CHD7: variants seen among roughly 807,000 people sequenced by gnomAD.
CHD7 encodes ATP-dependent chromatin remodeler CHD7.
A neutral mutation model predicts 307.3 loss-of-function variants in CHD7; 24 were observed. The ratio of observed to expected loss-of-function variants is 0.08; its 90% CI spans 0.06 to 0.11. The LOEUF (loss-of-function observed/expected upper bound fraction) is 0.11, where lower values mean the gene tolerates loss of function less well. Ranked by LOEUF, CHD7 falls within the 10% of genes least tolerant of loss-of-function variation. CHD7 has a pLI of 1.00. For synonymous variants in CHD7, 1,363 were observed against 1,349.9 expected (o/e 1.01, Z -0.21); for missense variants, 3,106 against 3,727.1 (o/e 0.83, Z 4.34).
chr8:60,759,405 C>A (rs1365785186), intron 2 of CHD7, among the ~76,000 whole-genome samples: 1 of 151,386 alleles, frequency 6.6e-6, no homozygotes, highest in African/African-American at 2.4e-5. Flanking sequence ...CTCTCTCTCT[C>A]CGCCTCCCTT....
chr8:60,816,793 G>C (rs1455703141), intron 8 of CHD7, among the ~76,000 whole-genome samples: 2 of 152,146 alleles, frequency 1.3e-5, no homozygotes, highest in Non-Finnish European at 2.9e-5. Flanking sequence ...TTAAGTAAGT[G>C]GACAGAAGTT....
At chr8:60,780,259 G>C (rs1811143411) in intron 2 of CHD7, among the ~76,000 whole-genome samples, 1 of 152,078 alleles carries the variant, frequency 6.6e-6, no homozygotes, top group Non-Finnish European at 1.5e-5. Context: ...TAGTCTCTGG[G>C]TGTATCCCTA....
intron 3 of CHD7, among the ~76,000 whole-genome samples, chr8:60,785,429 T>A (rs1249936296): frequency 6.6e-6 from 1 of 152,172 alleles, no homozygotes; most frequent in Non-Finnish European, 1.5e-5. Flanking sequence ...ACTCTTATTT[T>A]AAAAAAACAT....
intron 2 of CHD7, among the ~76,000 whole-genome samples, chr8:60,751,371 G>A (rs1809635429): frequency 6.6e-6 from 1 of 152,088 alleles, no homozygotes; most frequent in Non-Finnish European, 1.5e-5. Context: ...TTTCAGAACG[G>A]CAGTCTCTGG....
At chr8:60,828,221 T>A (rs1056901426) in intron 13 of CHD7, among the ~76,000 whole-genome samples, 1 of 152,190 alleles carries the variant, frequency 6.6e-6, no homozygotes, top group Admixed American at 6.5e-5. Flanking sequence ...ATGTAGAACT[T>A]CTTTTGTCTC....
intron 7 of CHD7, among the ~76,000 whole-genome samples, chr8:60,813,337 T>C (rs1046741470): frequency 1.3e-5 from 2 of 152,208 alleles, no homozygotes; most frequent in African/African-American, 4.8e-5. Flanking sequence ...CCTGATCATA[T>C]AATCTGCAAA....
chr8:60,716,695 T>A (rs1447144308), intron 1 of CHD7, among the ~76,000 whole-genome samples: 2 of 152,242 alleles, frequency 1.3e-5, no homozygotes, highest in East Asian at 3.8e-4. Flanking sequence ...TTTGACTCTC[T>A]CCACAAACAA....
chr8:60,821,717 T>C, intron 9 of CHD7, 73 bp from the exon 10 acceptor site: 1 of 1,267,428 alleles, frequency 7.9e-7, no homozygotes, highest in East Asian at 2.6e-5. Context: ...TAAACATATA[T>C]ATACACATAT....
At chr8:60,791,076 A>G (rs1811751722) in intron 3 of CHD7, among the ~76,000 whole-genome samples, 1 of 152,174 alleles carries the variant, frequency 6.6e-6, no homozygotes, top group African/African-American at 2.4e-5. Flanking sequence ...CTCAGACATT[A>G]TATGTAGAGG....
chr8:60,690,986 G>A (rs945134678), intron 1 of CHD7, among the ~76,000 whole-genome samples: 14 of 152,120 alleles, frequency 9.2e-5, no homozygotes, highest in East Asian at 1.9e-4. Context: ...GTGCAGTGGC[G>A]TGATCTCGGC....
intron 11 of CHD7, 84 bp downstream of exon 11, chr8:60,822,229 A>C: frequency 7.8e-7 from 1 of 1,282,844 alleles, no homozygotes; most frequent in Non-Finnish European, 1.1e-6. Flanking sequence ...AAAAGAACTT[A>C]ATGTTTTAAC....
intron 8 of CHD7, 52 bp downstream of exon 8, chr8:60,816,553 T>A: frequency 9.1e-7 from 1 of 1,100,440 alleles, no homozygotes; most frequent in Non-Finnish European, 1.3e-6. Flanking sequence ...TAAAATGTTC[T>A]AAATTTAAAA....
At chr8:60,719,549 AATT>A (rs1379527141) in intron 1 of CHD7, among the ~76,000 whole-genome samples, 3 of 152,264 alleles carry the variant, frequency 2.0e-5, no homozygotes, top group African/African-American at 7.2e-5. Flanking sequence ...TCTTGCCATG[AATT>A]ATTAATTGGT....
chr8:60,763,734 A>T (rs1810334018), intron 2 of CHD7, among the ~76,000 whole-genome samples: 1 of 152,140 alleles, frequency 6.6e-6, no homozygotes, highest in East Asian at 1.9e-4. Context: ...CTTTAAGCCC[A>T]GCATAAGACT....
chr8:60,679,117 G>GGGCGGCGGC (rs757833708), intron 1 of CHD7, 35 bp downstream of exon 1: 5 of 155,732 alleles, frequency 3.2e-5, no homozygotes, highest in South Asian at 1.8e-4. Flanking sequence ...CCCCCGGGAG[G>GGGCGGCGGC]GGCGGCGGCG....
At chr8:60,820,576 G>T (rs1803979578) in intron 9 of CHD7, among the ~76,000 whole-genome samples, 1 of 152,102 alleles carries the variant, frequency 6.6e-6, no homozygotes, top group Non-Finnish European at 1.5e-5. Context: ...ATTTTGCTTT[G>T]CAAAACTCTG....
intron 19 of CHD7, among the ~76,000 whole-genome samples, chr8:60,840,692 A>G (rs1804933690): frequency 6.6e-6 from 1 of 150,836 alleles, no homozygotes; most frequent in African/African-American, 2.4e-5. Context: ...ATCTCGGCTC[A>G]CTGCAACCTC....
intron 1 of CHD7, among the ~76,000 whole-genome samples, chr8:60,740,821 G>A (rs193170643): frequency 2.0e-3 from 298 of 152,266 alleles, no homozygotes; most frequent in African/African-American, 6.7e-3. Context: ...TGATTACACC[G>A]CTCAGGGGAA....
intron 2 of CHD7, among the ~76,000 whole-genome samples, chr8:60,753,772 C>T (rs1809755901): frequency 6.6e-6 from 1 of 151,612 alleles, no homozygotes; most frequent in African/African-American, 2.4e-5. Context: ...CTACAGTCGC[C>T]CACCACCGCA....
Sources: gnomAD v4.1 joint callset for allele counts (sites outside exome capture counted in the v4.1 genomes callset) on GRCh38, gnomAD v4.1.1 for gene constraint, MANE v1.5 for transcripts, NCBI Gene and HGNC (gene_info 2026-07-23, HGNC 2026-07-21) for gene names.